IL6R: variants seen among roughly 807,000 people sequenced by gnomAD.
The protein encoded by IL6R is interleukin 6 receptor.
Under a neutral mutation model 48.3 loss-of-function variants are expected in IL6R, and 38 were observed. That is an observed-to-expected ratio of 0.79 (90% CI 0.61 to 1.03). The LOEUF is 1.03. IL6R is among the 50% of genes least tolerant of loss of function. The pLI, the probability that IL6R is intolerant of heterozygous loss-of-function variation, is 0.00. For synonymous variants in IL6R, 264 were observed against 256.2 expected (o/e 1.03, Z -0.29); for missense variants, 534 against 618.3 (o/e 0.86, Z 1.45).
At chr1:154,462,662 C>A (rs887848876) in intron 9 of IL6R, among the ~76,000 whole-genome samples, 1 of 151,786 alleles carries the variant, frequency 6.6e-6, no homozygotes, top group Admixed American at 6.6e-5. Flanking sequence ...CGTGAGCCAC[C>A]GTGCCTGGCC....
At chr1:154,465,069 A>G in intron 9 of IL6R, 65 bp from the exon 10 acceptor site, 1 of 1,602,906 alleles carries the variant, frequency 6.2e-7, no homozygotes, top group South Asian at 1.1e-5. Context: ...GGTGTTTTCC[A>G]CTGTGGGCTT....
intron 6 of IL6R, among the ~76,000 whole-genome samples, chr1:154,439,328 T>G (rs1172174498): frequency 1.3e-5 from 2 of 152,368 alleles, no homozygotes; most frequent in East Asian, 3.9e-4. Context: ...TTATTATTAT[T>G]TTTTGAGACG....
chr1:154,453,102 G>T (rs1393644146), intron 8 of IL6R, among the ~76,000 whole-genome samples: 1 of 152,114 alleles, frequency 6.6e-6, no homozygotes, highest in East Asian at 1.9e-4. Flanking sequence ...GTACTTGGGA[G>T]GCTGAGGTAG....
chr1:154,448,534 C>T (rs895332156), intron 7 of IL6R, among the ~76,000 whole-genome samples: 3 of 152,200 alleles, frequency 2.0e-5, no homozygotes, highest in African/African-American at 7.2e-5. Context: ...AGAGGATTAC[C>T]TCTGAAGCTG....
intron 1 of IL6R, among the ~76,000 whole-genome samples, chr1:154,411,945 G>A (rs575985217): frequency 6.8e-6 from 1 of 146,252 alleles, no homozygotes; most frequent in South Asian, 2.1e-4. Flanking sequence ...GATCCTAAGA[G>A]CCTTTTTTTT....
At chr1:154,411,947 C>CTTTT (rs1179153554) in intron 1 of IL6R, among the ~76,000 whole-genome samples, 2 of 132,656 alleles carry the variant, frequency 1.5e-5, no homozygotes, top group African/African-American at 5.7e-5. Context: ...TCCTAAGAGC[C>CTTTT]TTTTTTTTTT....
intron 1 of IL6R, among the ~76,000 whole-genome samples, chr1:154,422,992 G>C (rs1324866342): frequency 6.6e-6 from 1 of 152,044 alleles, no homozygotes; most frequent in Non-Finnish European, 1.5e-5. Context: ...GCCCAGGGAT[G>C]GTGTCTTGTG....
At chr1:154,406,166 C>G (rs1169443712) in intron 1 of IL6R, among the ~76,000 whole-genome samples, 1 of 152,158 alleles carries the variant, frequency 6.6e-6, no homozygotes, top group Non-Finnish European at 1.5e-5. Context: ...ATTGGGGGTC[C>G]ACCTCGCCTG....
intron 1 of IL6R, among the ~76,000 whole-genome samples, chr1:154,414,149 G>A (rs777501136): frequency 1.3e-5 from 2 of 152,172 alleles, no homozygotes; most frequent in South Asian, 2.1e-4. Flanking sequence ...GAGCCACTGC[G>A]CCTGGCTGCA....
chr1:154,437,564 C>T (rs1210429584), intron 6 of IL6R: 2 of 392,930 alleles, frequency 5.1e-6, no homozygotes, highest in Non-Finnish European at 1.1e-5. Flanking sequence ...CAGGCGTGTG[C>T]CACAATGCTA....
At chr1:154,455,153 C>T (rs549083799) in intron 9 of IL6R, among the ~76,000 whole-genome samples, 17 of 152,132 alleles carry the variant, frequency 1.1e-4, no homozygotes, top group East Asian at 1.9e-4. Flanking sequence ...TCAAGTGATC[C>T]GCCTGCCTTG....
At chr1:154,408,652 G>T (rs1287906248) in intron 1 of IL6R, among the ~76,000 whole-genome samples, 1 of 152,074 alleles carries the variant, frequency 6.6e-6, no homozygotes, top group East Asian at 1.9e-4. Context: ...TCCCCTCACT[G>T]GGTATTTGTA....
At chr1:154,446,661 A>G (rs1040803157) in intron 6 of IL6R, among the ~76,000 whole-genome samples, 5 of 152,074 alleles carry the variant, frequency 3.3e-5, no homozygotes, top group Non-Finnish European at 7.4e-5. Context: ...GTGCAGGGGG[A>G]GGGAGCCGTG....
At chr1:154,451,418 T>A (rs941467278) in intron 8 of IL6R, among the ~76,000 whole-genome samples, 11 of 151,830 alleles carry the variant, frequency 7.2e-5, no homozygotes, top group African/African-American at 1.5e-4. Context: ...CTTGGGAGGC[T>A]GAGGCAAGAG....
intron 3 of IL6R, among the ~76,000 whole-genome samples, chr1:154,431,701 G>A (rs894914390): frequency 3.9e-5 from 6 of 152,128 alleles, no homozygotes; most frequent in Admixed American, 3.9e-4. Flanking sequence ...CTCAGTGTTA[G>A]GCTACTAGGG....
chr1:154,437,403 T>C (rs1315182925), intron 6 of IL6R: 1 of 369,230 alleles, frequency 2.7e-6, no homozygotes, highest in African/African-American at 2.1e-5. Flanking sequence ...GGTCGGAAAT[T>C]TTTTTTAACT....
At chr1:154,422,084 T>G (rs542456430) in intron 1 of IL6R, among the ~76,000 whole-genome samples, 2 of 152,236 alleles carry the variant, frequency 1.3e-5, no homozygotes, top group East Asian at 3.9e-4. Flanking sequence ...GTAGCTGGGA[T>G]TACAGGTGTG....
intron 1 of IL6R, among the ~76,000 whole-genome samples, chr1:154,425,177 CTT>C (rs1688895567): frequency 6.6e-6 from 1 of 152,122 alleles, no homozygotes; most frequent in Non-Finnish European, 1.5e-5. Context: ...TCATTTCTGC[CTT>C]TTAGTTTTTA....
rs545070873 is a variant in IL6R at position 154,462,347 on chromosome 1, T to G, written c.1161-2787T>G. On this transcript the variant is annotated intron_variant, in intron 9 of 9. Transcript: ENST00000368485. Reference sequence around the variant, plus strand: ...ACTATAACACAGGCATTCTTTCACATTAGTACAAATTCTTGTAAATCTCAG... The same window carrying G: ...ACTATAACACAGGCATTCTTTCACAGTAGTACAAATTCTTGTAAATCTCAG... Among the ~76,000 whole-genome samples the G allele has an allele frequency of 9.3e-4, 141 of 152,096 alleles. 1 individual carries two copies. The highest frequency in any genetic ancestry group is 1.7e-3 in the Non-Finnish European group (117 of 68,022).
Sources: allele counts gnomAD v4.1 joint callset (sites outside exome capture counted in the v4.1 genomes callset), GRCh38; gene constraint gnomAD v4.1.1; transcripts MANE v1.5; gene names NCBI Gene and HGNC (gene_info 2026-07-23, HGNC 2026-07-21).